WDR70: variants seen among roughly 807,000 people sequenced by gnomAD.
WDR70 encodes the protein WD repeat-containing protein 70.
A neutral mutation model predicts 88.6 loss-of-function variants in WDR70; 53 were observed. That is an observed-to-expected ratio of 0.60 (90% CI 0.48 to 0.75). The LOEUF (loss-of-function observed/expected upper bound fraction) is 0.75, where lower values mean the gene tolerates loss of function less well. Among genes scored for constraint, WDR70 ranks in the 30% least tolerant of loss-of-function variants. WDR70 has a pLI of 0.00. For missense variants in WDR70, 610 were observed against 823.2 expected, an observed-to-expected ratio of 0.74 and a Z score of 3.17; for synonymous variants, 280 against 270.0, an observed-to-expected ratio of 1.04 and a Z score of -0.36.
At chr5:37,400,181 G>A (rs1047292845) in intron 5 of WDR70, among the ~76,000 whole-genome samples, 1 of 152,094 alleles carries the variant, frequency 6.6e-6, no homozygotes, top group African/African-American at 2.4e-5. Context: ...TGATCCACCT[G>A]CCTCGGCCTC....
At chr5:37,510,091 A>G (rs1740679045) in intron 8 of WDR70, among the ~76,000 whole-genome samples, 1 of 152,160 alleles carries the variant, frequency 6.6e-6, no homozygotes, top group East Asian at 1.9e-4. Context: ...CCCCCCAAAA[A>G]AAAACTTAAT....
At chr5:37,747,621 ATT>A (rs1748670802) in intron 17 of WDR70, among the ~76,000 whole-genome samples, 1 of 152,218 alleles carries the variant, frequency 6.6e-6, no homozygotes. Context: ...CACCACTCCT[ATT>A]CAACGTAGTA....
chr5:37,387,098 T>TAA (rs34087509), intron 3 of WDR70, among the ~76,000 whole-genome samples: 3,725 of 140,214 alleles, frequency 0.027, 151 homozygotes, highest in African/African-American at 0.089. Flanking sequence ...AAACTCTGTC[T>TAA]AAAAAAAAAA....
rs1554149905 is a variant in WDR70 at position 37,557,914 on chromosome 5, A to AACTCTTCAAAAGAGTACTCTTTTGAAT, written c.917+41341_917+41367dup. On this transcript the variant is annotated intron_variant, in intron 9 of 17. Coordinates refer to ENST00000265107, the MANE Select transcript of WDR70 (RefSeq NM_018034.4). ...CTCTTCAGATTTATACTCTTTTGAAAACTCTTCAAAAGAGTACTCTTTTGA... is the reference window on the plus strand; with the variant it reads ...CTCTTCAGATTTATACTCTTTTGAAAACTCTTCAAAAGAGTACTCTTTTGAATACTCTTCAAAAGAGTACTCTTTTGA... Among the ~76,000 whole-genome samples, 4 of 40,238 alleles carry AACTCTTCAAAAGAGTACTCTTTTGAAT rather than the reference A, an allele frequency of 9.9e-5. 1 individual carries two copies. Among genetic ancestry groups the AACTCTTCAAAAGAGTACTCTTTTGAAT allele is most frequent in the Admixed American group, 2.9e-4 (1 of 3,396 alleles). 26.4% of individuals were successfully genotyped at this position (40,238 alleles called of 152,430 possible).
chr5:37,581,255 T>A (rs997099405), intron 9 of WDR70, among the ~76,000 whole-genome samples: 1 of 138,906 alleles, frequency 7.2e-6, no homozygotes, highest in African/African-American at 3.4e-5. Flanking sequence ...TAGGGAACAC[T>A]GGTGAATGTA....
chr5:37,606,009 A>G (rs1426502944), intron 10 of WDR70, among the ~76,000 whole-genome samples: 3 of 152,204 alleles, frequency 2.0e-5, no homozygotes, highest in Non-Finnish European at 4.4e-5. Flanking sequence ...AATTCAGTAA[A>G]TGTTTACTAC....
chr5:37,724,957 G>C lies in WDR70; in HGVS notation c.1621G>C (p.Glu541Gln). 6.2e-7 allele frequency: 1 copy of C among 1,613,624 alleles called. No homozygotes were observed. Among genetic ancestry groups the C allele is most frequent in the East Asian group, 2.2e-5 (1 of 44,856 alleles). Residue 541 changes from glutamate (E) to glutamine (Q), a missense_variant, in exon 16 of 18, where the codon GAG (glutamate) becomes CAG (glutamine). By Grantham distance (29) the Glu-to-Gln change is conservative. Transcript: ENST00000265107. The part of the protein sequence containing the change: ...ITPHALPMFR[E>Q]PRQRSTRKQL... ...AGCTCATGCCTTGCCTATGTTCCGT[G>C]AGCCCCGCCAACGGAGTACAAGGAA... is the stretch of plus-strand genomic sequence containing the variant.
intron 17 of WDR70, among the ~76,000 whole-genome samples, chr5:37,733,112 T>A (rs188413811): frequency 6.6e-6 from 1 of 152,268 alleles, no homozygotes; most frequent in African/African-American, 2.4e-5. Flanking sequence ...TTGGCAGGAT[T>A]GTACTTTCTA....
At chr5:37,594,113 A>G (rs961445235) in intron 9 of WDR70, among the ~76,000 whole-genome samples, 1 of 152,094 alleles carries the variant, frequency 6.6e-6, no homozygotes, top group Non-Finnish European at 1.5e-5. Flanking sequence ...GTTCACTCTG[A>G]TGGTAGTTTC....
intron 11 of WDR70, chr5:37,697,994 T>A (rs1051150064): frequency 2.7e-5 from 10 of 372,048 alleles, no homozygotes; most frequent in African/African-American, 2.0e-4. Context: ...TCATTTAGAT[T>A]CAAATTCCAT....
chr5:37,596,410 G>A (rs991119252), intron 9 of WDR70, among the ~76,000 whole-genome samples: 2 of 152,080 alleles, frequency 1.3e-5, no homozygotes, highest in African/African-American at 4.8e-5. Flanking sequence ...AGCTTCTCTT[G>A]CAGTTAGATG....
At chr5:37,580,951 G>A (rs992980643) in intron 9 of WDR70, among the ~76,000 whole-genome samples, 1 of 152,166 alleles carries the variant, frequency 6.6e-6, no homozygotes, top group African/African-American at 2.4e-5. Flanking sequence ...GCCATGGGAA[G>A]GTTAGGGTGA....
At chr5:37,495,673 A>G (rs143621329) in intron 8 of WDR70, among the ~76,000 whole-genome samples, 5 of 152,358 alleles carry the variant, frequency 3.3e-5, no homozygotes, top group African/African-American at 9.6e-5. Context: ...ATAAGAGAAG[A>G]AGAGAGAAAA....
chr5:37,541,082 C>T (rs981498942), intron 9 of WDR70, among the ~76,000 whole-genome samples: 9 of 152,176 alleles, frequency 5.9e-5, no homozygotes, highest in Non-Finnish European at 1.5e-5. Flanking sequence ...AGAGTCTTAA[C>T]TACCACAGAG....
chr5:37,566,475 C>G (rs1397021152), intron 9 of WDR70, among the ~76,000 whole-genome samples: 1 of 151,856 alleles, frequency 6.6e-6, no homozygotes, highest in Non-Finnish European at 1.5e-5. Flanking sequence ...TGAACTTAAT[C>G]GTATTTTTTC....
At chr5:37,582,491 T>G (rs1266565801) in intron 9 of WDR70, among the ~76,000 whole-genome samples, 1 of 152,242 alleles carries the variant, frequency 6.6e-6, no homozygotes, top group Non-Finnish European at 1.5e-5. Flanking sequence ...TCACACACAG[T>G]TATCTTTTAG....
intron 10 of WDR70, among the ~76,000 whole-genome samples, chr5:37,676,338 T>G (rs1746206802): frequency 6.6e-6 from 1 of 152,016 alleles, no homozygotes; most frequent in African/African-American, 2.4e-5. Flanking sequence ...TGCTTCCAGT[T>G]TTTGTCCATT....
rs551010686 is a variant in WDR70 at position 37,747,787 on chromosome 5, A to G, written c.1878-4699A>G. Among the ~76,000 whole-genome samples, 6 of 151,996 alleles carry G rather than the reference A, an allele frequency of 3.9e-5. No homozygotes were observed. The South Asian group carries it at 1.2e-3, about 31-fold the overall frequency. ...CTTGAACTGATAAGCAACTTCAGCA[A>G]AGTCTCAAGATACAAAATCATTGTG... On this transcript the variant is annotated intron_variant, in intron 17 of 17. Coordinates refer to ENST00000265107, the MANE Select transcript of WDR70 (RefSeq NM_018034.4).
intron 17 of WDR70, among the ~76,000 whole-genome samples, chr5:37,736,226 G>A (rs377673387): frequency 1.3e-5 from 2 of 152,316 alleles, no homozygotes; most frequent in East Asian, 3.9e-4. Context: ...CAGAATGACA[G>A]CTCTGTCAAC....
Sources: allele counts gnomAD v4.1 joint callset (sites outside exome capture counted in the v4.1 genomes callset), GRCh38; gene constraint gnomAD v4.1.1; transcripts MANE v1.5; gene names NCBI Gene and HGNC (gene_info 2026-07-23, HGNC 2026-07-21).